Variants in FARSB observed in about 807,000 individuals in gnomAD.
The protein encoded by FARSB is phenylalanine--tRNA ligase beta subunit.
Under a neutral mutation model 69.6 loss-of-function variants are expected in FARSB, and 40 were observed. That is an observed-to-expected ratio of 0.57 (90% CI 0.45 to 0.75). FARSB has a LOEUF of 0.75. Among genes scored for constraint, FARSB ranks in the 30% least tolerant of loss-of-function variants. The pLI is 0.00. For missense variants in FARSB, 632 were observed against 722.9 expected, an observed-to-expected ratio of 0.87 and a Z score of 1.44; for synonymous variants, 235 against 247.2, an observed-to-expected ratio of 0.95 and a Z score of 0.46.
At chr2:222,619,963 A>T (rs994003906) in intron 13 of FARSB, among the ~76,000 whole-genome samples, 1 of 152,224 alleles carries the variant, frequency 6.6e-6, no homozygotes, top group Non-Finnish European at 1.5e-5. Flanking sequence ...TCTCAGGCCC[A>T]TAGCAGATGG....
At chr2:222,630,874 A>C (rs1256800604) in intron 8 of FARSB, among the ~76,000 whole-genome samples, 2 of 152,204 alleles carry the variant, frequency 1.3e-5, no homozygotes, top group East Asian at 3.8e-4. Context: ...GGAGTACCTA[A>C]AAGTTATAAA....
In FARSB at chr2:222,631,618, T is replaced by A; in HGVS notation, c.772A>T (p.Thr258Ser). The change falls in exon 8 of 17, where the codon ACT (threonine) becomes TCT (serine). Residue 258 changes from threonine to serine, a missense_variant. Transcript: ENST00000281828. ...TRNIFIECTG[T>S]DFTKAKIVLD... is the part of the protein sequence containing the mutation. Reference sequence around the variant, plus strand: ...GTTTTACTTACCTTAGTAAAGTCAGTTCCCGTGCATTCAATAAAAATATTT... The same window carrying A: ...GTTTTACTTACCTTAGTAAAGTCAGATCCCGTGCATTCAATAAAAATATTT... 6.4e-7 allele frequency: 1 copy of A among 1,553,252 alleles called. No individual in the cohort carries two copies. Among genetic ancestry groups the A allele is most frequent in the Non-Finnish European group, 8.9e-7 (1 of 1,125,034 alleles).
chr2:222,628,115 A>C (rs1286431894), intron 10 of FARSB, among the ~76,000 whole-genome samples: 1 of 152,258 alleles, frequency 6.6e-6, no homozygotes, highest in Non-Finnish European at 1.5e-5. Context: ...TATTAGTTAC[A>C]GTGATGCCTT....
intron 16 of FARSB, among the ~76,000 whole-genome samples, chr2:222,586,054 A>G (rs914915737): frequency 6.6e-5 from 10 of 152,192 alleles, no homozygotes; most frequent in African/African-American, 2.4e-4. Flanking sequence ...TCCAAGACAT[A>G]TAATTGTCAG....
intron 10 of FARSB, among the ~76,000 whole-genome samples, chr2:222,626,528 G>C (rs1291085202): frequency 2.0e-5 from 3 of 152,118 alleles, no homozygotes; most frequent in Non-Finnish European, 4.4e-5. Context: ...TTAAGTTTAG[G>C]AGGAAATAAA....
intron 13 of FARSB, among the ~76,000 whole-genome samples, chr2:222,620,516 G>A (rs1691109983): frequency 6.6e-6 from 1 of 152,190 alleles, no homozygotes; most frequent in Non-Finnish European, 1.5e-5. Context: ...CAGAAGTTAT[G>A]AAATTAAAAA....
At chr2:222,649,685 A>C (rs1198902330) in intron 1 of FARSB, among the ~76,000 whole-genome samples, 1 of 152,262 alleles carries the variant, frequency 6.6e-6, no homozygotes, top group Non-Finnish European at 1.5e-5. Context: ...ATGCTAATGC[A>C]TAAAATGGAC....
intron 15 of FARSB, among the ~76,000 whole-genome samples, chr2:222,603,484 G>A (rs1464668596): frequency 1.3e-5 from 2 of 151,670 alleles, no homozygotes; most frequent in Non-Finnish European, 2.9e-5. Flanking sequence ...TCTGGCACAT[G>A]CTAGGTATTA....
intron 7 of FARSB, among the ~76,000 whole-genome samples, chr2:222,632,677 G>A (rs188944936): frequency 2.6e-5 from 4 of 152,048 alleles, no homozygotes; most frequent in East Asian, 1.9e-4. Context: ...GGCCAGGCAC[G>A]GCAGCTCACA....
intron 14 of FARSB, among the ~76,000 whole-genome samples, chr2:222,618,422 T>G (rs1241608233): frequency 6.6e-6 from 1 of 152,166 alleles, no homozygotes; most frequent in Non-Finnish European, 1.5e-5. Context: ...TAACCTTCTT[T>G]AAAATATAAC....
chr2:222,580,914 CA>C (rs1689952230), intron 16 of FARSB, among the ~76,000 whole-genome samples: 1 of 152,070 alleles, frequency 6.6e-6, no homozygotes, highest in African/African-American at 2.4e-5. Flanking sequence ...GAGGAAAGTA[CA>C]ACTATAACAC....
chr2:222,653,713 C>T (rs989020937), intron 1 of FARSB, among the ~76,000 whole-genome samples: 20 of 151,802 alleles, frequency 1.3e-4, no homozygotes, highest in Non-Finnish European at 2.5e-4. Context: ...TCACTACAGC[C>T]TTGACCGCCT....
At chr2:222,593,641 C>G (rs1690334544) in intron 16 of FARSB, among the ~76,000 whole-genome samples, 1 of 150,314 alleles carries the variant, frequency 6.7e-6, no homozygotes, top group Non-Finnish European at 1.5e-5. Context: ...AGGAAGATCA[C>G]TTGAGGCCAG....
At chr2:222,644,002 C>T (rs1296119161) in intron 2 of FARSB, among the ~76,000 whole-genome samples, 8 of 152,158 alleles carry the variant, frequency 5.3e-5, no homozygotes, top group African/African-American at 1.9e-4. Context: ...TAATGTTACG[C>T]TTTAATTATG....
rs146807481 is a variant in FARSB, at chr2:222,634,423, A to G, written c.574T>C (p.Tyr192His). The G allele has an allele frequency of 5.0e-4, 803 of 1,609,348 alleles. 3 individuals carry two copies. The highest frequency in any genetic ancestry group is 6.1e-4 in the Non-Finnish European group (718 of 1,177,062). The part of the protein sequence containing the change: ...KFKPLNKTKE[Y>H]TACELMNIYK... ...ATGTTCATCAGTTCACAGGCTGTAT[A>G]CTCCTTGGTCTTATTTAGAGGCTTG... The change falls in exon 6 of 17, where the codon TAT becomes CAT. Residue 192 changes from tyrosine (Y) to histidine (H), a missense_variant. Tyr to His is a moderately conservative substitution (Grantham distance 83). Coordinates refer to ENST00000281828, the MANE Select transcript of FARSB (RefSeq NM_005687.5).
chr2:222,645,345 T>C (rs538070755), intron 2 of FARSB, among the ~76,000 whole-genome samples: 2 of 152,286 alleles, frequency 1.3e-5, no homozygotes, highest in East Asian at 1.9e-4. Flanking sequence ...TTCTGAGGTG[T>C]AGTAAAATTA....
At chr2:222,598,989 A>G (rs1690494929) in intron 16 of FARSB, among the ~76,000 whole-genome samples, 1 of 152,036 alleles carries the variant, frequency 6.6e-6, no homozygotes, top group Non-Finnish European at 1.5e-5. Context: ...AAAAACCCAT[A>G]GATTTCAGGG....
At chr2:222,642,003 CTT>C (rs5838958) in intron 3 of FARSB, among the ~76,000 whole-genome samples, 544 of 128,630 alleles carry the variant, frequency 4.2e-3, no homozygotes, top group Middle Eastern at 0.012. Flanking sequence ...TATCCTCTAT[CTT>C]TTTTTTTTTT....
chr2:222,567,526 T>C lies in FARSB; in HGVS notation c.*4345A>G, dbSNP rs931651297. 1.2e-4 allele frequency: 19 copies of C among 152,212 alleles called. No homozygotes were observed. Among genetic ancestry groups the C allele is most frequent in the African/African-American group, 4.6e-4 (19 of 41,450 alleles). 9.4% of individuals were successfully genotyped at this position (152,212 alleles called of 1,614,324 possible). ...CTCTCTTACCAAGCTGATGAGCCCA[T>C]CATTGCTGAGAGCAGGGGCAGTGGT... On this transcript the variant is annotated 3_prime_UTR_variant, in exon 17 of 17. Coordinates refer to ENST00000281828, the MANE Select transcript of FARSB (RefSeq NM_005687.5).
Sources: gnomAD v4.1 joint callset for allele counts (sites outside exome capture counted in the v4.1 genomes callset) on GRCh38, gnomAD v4.1.1 for gene constraint, MANE v1.5 for transcripts, NCBI Gene and HGNC (gene_info 2026-07-23, HGNC 2026-07-21) for gene names.